The following LBHD1 variants were observed in gnomAD, a reference collection of about 807,000 sequenced individuals.
LBHD1 encodes the protein LBH domain-containing protein 1.
LBHD1 carries 28 observed loss-of-function variants against 31.1 expected under a neutral mutation model. That is an observed-to-expected ratio of 0.90 (90% CI 0.67 to 1.24). The LOEUF is 1.24. Ranked by LOEUF, LBHD1 falls within the 50% of genes most tolerant of loss-of-function variation. LBHD1 has a pLI of 0.00. For synonymous variants in LBHD1, 105 were observed against 116.5 expected (o/e 0.90, Z 0.63); for missense variants, 350 against 323.0 (o/e 1.08, Z -0.64).
At chr11:62,665,891 G>C (rs1366277754) in intron 4 of LBHD1, 3 of 1,613,542 alleles carry the variant, frequency 1.9e-6, no homozygotes, top group Non-Finnish European at 1.7e-6. Flanking sequence ...TGGCCGCGCT[G>C]CGTCGAATGC....
rs1401268702 is a variant in LBHD1 at position 62,663,168 on chromosome 11, A to C, written c.762-9T>G. 6.2e-7 allele frequency: 1 copy of C among 1,613,844 alleles called. No homozygotes were observed. The highest frequency in any genetic ancestry group is 1.3e-5 in the African/African-American group (1 of 75,042). On this transcript the variant is annotated splice_polypyrimidine_tract_variant and intron_variant, in intron 6 of 6. Coordinates refer to ENST00000354588, the MANE Select transcript of LBHD1 (RefSeq NM_024099.5). The stretch of plus-strand genomic sequence containing the variant: ...CTTTGAAGGGGCTTCCACTGAGTAA[A>C]GGGAAGAAGGAAGTATTATCCCAAA...
intron 1 of LBHD1, chr11:62,671,020 GC>G (rs1392105059): frequency 2.6e-5 from 7 of 265,294 alleles, no homozygotes; most frequent in Non-Finnish European, 5.4e-5. Context: ...GATCGCTTGG[GC>G]CCTGGAAGTC....
intron 4 of LBHD1, chr11:62,665,761 T>C: frequency 6.6e-7 from 1 of 1,511,754 alleles, no homozygotes; most frequent in Non-Finnish European, 8.9e-7. Context: ...GGGGAAGCTG[T>C]ACGCCGCCTT....
intron 1 of LBHD1, chr11:62,671,281 C>T (rs1590854816): frequency 3.5e-6 from 2 of 572,078 alleles, no homozygotes; most frequent in African/African-American, 3.8e-5. Context: ...GTGTTTGTTC[C>T]AGAGTTGAGG....
Position 62,666,530 on chromosome 11 carries a change from C to T in LBHD1, c.538+993G>A, listed in dbSNP as rs1171383289. The T allele has an allele frequency of 2.3e-5, 37 of 1,614,058 alleles. No individual in the cohort carries two copies. In the Admixed American group the frequency reaches 6.2e-4, roughly 27 times the overall value. On this transcript the variant is annotated intron_variant, in intron 4 of 6. Transcript: ENST00000354588. ...AGTCCAGGGGCTCCTACTGCCATTG[C>T]TGCAGGAGGCACAGGCTGCCAGTCC...
At chr11:62,671,382 CG>C (rs1456177950) in intron 1 of LBHD1, 181 bp downstream of exon 1, 9 of 1,266,456 alleles carry the variant, frequency 7.1e-6, no homozygotes, top group Non-Finnish European at 9.2e-6. Flanking sequence ...GAGCACAGCT[CG>C]GGCCTCTACT....
At chr11:62,667,084 T>C in intron 4 of LBHD1, 1 of 1,534,052 alleles carries the variant, frequency 6.5e-7, no homozygotes, top group Non-Finnish European at 8.8e-7. Context: ...CTAGTATTTC[T>C]GTGGGCAAGG....
In LBHD1 at chr11:62,664,835, G is replaced by A. The variant is rs1565125304; in HGVS notation, c.663+14C>T. 6.4e-7 allele frequency: 1 copy of A among 1,558,934 alleles called. No individual in the cohort carries two copies. The highest frequency in any genetic ancestry group is 8.7e-7 in the Non-Finnish European group (1 of 1,151,376). ...CGGTGGGGACGACCAACAGGAAGAGGGTCTAGTACTTACGCCCGCTTCTTG... is the reference window on the plus strand; with the variant it reads ...CGGTGGGGACGACCAACAGGAAGAGAGTCTAGTACTTACGCCCGCTTCTTG... On this transcript the variant is annotated intron_variant, in intron 5 of 6. Transcript: ENST00000354588.
Position 62,669,828 on chromosome 11 carries a change from G to A in LBHD1, c.151-25C>T, listed in dbSNP as rs1349297283. ...CCTGAATAGGGACAGCAGGGAGGTT[G>A]GGCCAAACTGGAGGGTAAGCCAGCT... On this transcript the variant is annotated intron_variant, in intron 2 of 6. Coordinates refer to ENST00000354588, the MANE Select transcript of LBHD1 (RefSeq NM_024099.5). The A allele has an allele frequency of 3.7e-6, 6 of 1,614,086 alleles. No individual in the cohort carries two copies. In the African/African-American group the frequency reaches 5.3e-5, roughly 14 times the overall value.
intron 4 of LBHD1, 33 bp from the exon 5 acceptor site, chr11:62,665,006 T>C: frequency 6.2e-7 from 1 of 1,604,430 alleles, no homozygotes; most frequent in South Asian, 1.1e-5. Flanking sequence ...TCAGATGGAG[T>C]GGGCTCGCCG....
chr11:62,667,070 G>T, intron 4 of LBHD1: 1 of 1,552,624 alleles, frequency 6.4e-7, no homozygotes, highest in South Asian at 1.2e-5. Context: ...TAGTAGTCCT[G>T]ACCCTAGTAT....
At chr11:62,665,747 G>A in intron 4 of LBHD1, 8 of 1,490,354 alleles carry the variant, frequency 5.4e-6, no homozygotes, top group African/African-American at 1.4e-5. Context: ...GGACTGCAGA[G>A]TTCGGGGAAG....
At chr11:62,666,543 A>T in intron 4 of LBHD1, 1 of 1,614,160 alleles carries the variant, frequency 6.2e-7, no homozygotes, top group South Asian at 1.1e-5. Flanking sequence ...CAGGAGGCAC[A>T]GGCTGCCAGT....
rs1565127790 is a variant in LBHD1, at chr11:62,666,735, C to CA, written c.538+787dup. 3.1e-6 allele frequency: 5 copies of CA among 1,614,114 alleles called. No homozygotes were observed. In the South Asian group the frequency reaches 5.5e-5, roughly 18 times the overall value. On this transcript the variant is annotated intron_variant, in intron 4 of 6. Transcript: ENST00000354588. ...CCTCTATGCCCTGGACACCCTGCCT[C>CA]AAGCCTCCACTTCATGCACGCCGAT... is the stretch of plus-strand genomic sequence containing the variant.
chr11:62,668,811 AAAACC>A, intron 3 of LBHD1, among the ~76,000 whole-genome samples: 1 of 151,722 alleles, frequency 6.6e-6, no homozygotes, highest in African/African-American at 2.4e-5. Context: ...CTCAAAAAAA[AAAACC>A]AAAACCAAAA....
intron 3 of LBHD1, among the ~76,000 whole-genome samples, chr11:62,668,872 G>A (rs551226729): frequency 1.3e-5 from 2 of 152,050 alleles, no homozygotes; most frequent in South Asian, 4.2e-4. Flanking sequence ...AAGTCTAGAA[G>A]AGAAGGTATC....
intron 5 of LBHD1, 94 bp downstream of exon 5, chr11:62,664,755 A>G: frequency 4.8e-6 from 7 of 1,460,620 alleles, no homozygotes; most frequent in Non-Finnish European, 6.5e-6. Flanking sequence ...GTCAGTGCAC[A>G]AGGTGAGCTG....
chr11:62,664,958 GCTT>G lies in LBHD1; in HGVS notation c.551_553del (p.Glu184del), dbSNP rs769266350. On this transcript the variant is annotated inframe_deletion, in exon 5 of 7. Coordinates refer to ENST00000354588, the MANE Select transcript of LBHD1 (RefSeq NM_024099.5). ...TTCAACACCCGCCGGCGTTTGAACAGCTTCTTCTTCAGCTCCTGCCGGGGAGAA... is the reference window on the plus strand; with the variant it reads ...TTCAACACCCGCCGGCGTTTGAACAGCTTCTTCAGCTCCTGCCGGGGAGAA... 1.5e-5 allele frequency: 24 copies of G among 1,611,928 alleles called. No individual in the cohort carries two copies. Among genetic ancestry groups the G allele is most frequent in the African/African-American group, 9.3e-5 (7 of 74,928 alleles).
Position 62,671,710 on chromosome 11 carries a change from G to C in LBHD1, c.-157C>G, listed in dbSNP as rs1402976313. The C allele has an allele frequency of 6.2e-7, 1 of 1,608,116 alleles. No homozygotes were observed. ...CGGCAACAGCTTGCGGCTGCGGGGAGCTCCCGTGGGCGCTCCGCTGGCTGT... is the reference window on the plus strand; with the variant it reads ...CGGCAACAGCTTGCGGCTGCGGGGACCTCCCGTGGGCGCTCCGCTGGCTGT... On this transcript the variant is annotated 5_prime_UTR_variant, in exon 1 of 7. Coordinates refer to ENST00000354588, the MANE Select transcript of LBHD1 (RefSeq NM_024099.5).
Sources: allele counts gnomAD v4.1 joint callset (sites outside exome capture counted in the v4.1 genomes callset), GRCh38; gene constraint gnomAD v4.1.1; transcripts MANE v1.5; gene names NCBI Gene and HGNC (gene_info 2026-07-23, HGNC 2026-07-21).